GTF3C4: variants seen among roughly 807,000 people sequenced by gnomAD.
The protein encoded by GTF3C4 is general transcription factor IIIC subunit 4.
Under a neutral mutation model 67.5 loss-of-function variants are expected in GTF3C4, and 28 were observed. The observed-to-expected ratio is 0.41, with a 90% CI of 0.31 to 0.57. The LOEUF is 0.57. Ranked by LOEUF, GTF3C4 falls within the 20% of genes least tolerant of loss-of-function variation. The probability of loss-of-function intolerance (pLI) is 0.21; values close to 1 mark genes in which losing one functional copy is unlikely to be tolerated. For synonymous variants in GTF3C4, 409 were observed against 393.0 expected, an observed-to-expected ratio of 1.04 and a Z score of -0.48; for missense variants, 831 against 1,033.2, an observed-to-expected ratio of 0.80 and a Z score of 2.68.
In GTF3C4 at chr9:132,670,666, A is replaced by C; in HGVS notation, c.68A>C (p.Glu23Ala). The C allele has an allele frequency of 2.2e-6, 3 of 1,389,268 alleles. No individual in the cohort carries two copies. Among genetic ancestry groups the C allele is most frequent in the Non-Finnish European group, 2.9e-6 (3 of 1,046,248 alleles). The allele number at this position is 1,389,268 out of a possible 1,614,324, so 86.1% of individuals were successfully genotyped here. The change falls in exon 1 of 5, where the codon GAG becomes GCG. Residue 23 changes from glutamate to alanine, a missense_variant. By Grantham distance (107) the Glu-to-Ala change is moderately radical (BLOSUM62 -1). Transcript: ENST00000372146. ...GGGCCTGCGCCGTCTGGGGAGGAGG[A>C]GGGAGAGGGGGGCGGCGAGGCGGGC... Reference protein sequence around the residue: ...DDGPAPSGEEEGEGGGEAGGK... With the variant: ...DDGPAPSGEEAGEGGGEAGGK...
At chr9:132,685,532 A>G (rs1836013677) in intron 3 of GTF3C4, among the ~76,000 whole-genome samples, 1 of 135,184 alleles carries the variant, frequency 7.4e-6, no homozygotes. Flanking sequence ...TTTTTTTGAG[A>G]TGGGGAGATG....
At chr9:132,686,467 T>C (rs922760783) in intron 3 of GTF3C4, among the ~76,000 whole-genome samples, 12 of 151,890 alleles carry the variant, frequency 7.9e-5, no homozygotes, top group East Asian at 3.9e-4. Flanking sequence ...ACCTCCTCCT[T>C]TGTGTTTTCT....
intron 1 of GTF3C4, 96 bp downstream of exon 1, chr9:132,671,051 G>T: frequency 1.2e-6 from 1 of 837,520 alleles, no homozygotes; most frequent in East Asian, 2.6e-5. Flanking sequence ...ACTCTGTCCG[G>T]GGATTTCCCT....
In GTF3C4 at chr9:132,679,466, A is replaced by G. The variant is rs1169355939; in HGVS notation, c.1847A>G (p.Asn616Ser). Residue 616 changes from asparagine to serine, a missense_variant, in exon 2 of 5, where the codon AAT becomes AGT. Around this residue, in one of 4 missense-constraint regions of GTF3C4, gnomAD observed 75 missense variants for 66.4 expected, o/e 1.13. Transcript: ENST00000372146. This position sits in a 1 kb window ranked among gnomAD's most constrained non-coding sequence, Gnocchi z 5.9. ...CTAGTGGATTCGCCTGGGATGGGCA[A>G]TGCTGACGATGAACAGCAGGAAGAA... ...ILLVDSPGMG[N>S]ADDEQQEEGT... is the part of the protein sequence containing the mutation. 4 of 1,614,048 alleles carry G rather than the reference A, an allele frequency of 2.5e-6. No individual in the cohort carries two copies. The highest frequency in any genetic ancestry group is 1.1e-5 in the South Asian group (1 of 91,092).
rs1470597962 is a variant in GTF3C4 at position 132,678,294 on chromosome 9, A to G, written c.675A>G (p.Lys225=). The stretch of plus-strand genomic sequence containing the variant: ...ATGAGACCAGTTACAGGCTCTCTAA[A>G]AATGAGGCCCCGGAAGGAAATCTCG... The part of the protein sequence containing the change: ...RLYETSYRLS[K]NEAPEGNLGD... Residue 225 remains lysine, a synonymous_variant, in exon 2 of 5, where the codon AAA becomes AAG. Transcript: ENST00000372146. The surrounding 1 kb of genome is among the most constrained non-coding windows in gnomAD (Gnocchi z 6.5). The G allele has an allele frequency of 5.0e-6, 8 of 1,614,090 alleles. No individual in the cohort carries two copies. Among genetic ancestry groups the G allele is most frequent in the Non-Finnish European group, 5.9e-6 (7 of 1,180,050 alleles).
At chr9:132,675,884 T>A (rs1049182947) in intron 1 of GTF3C4, among the ~76,000 whole-genome samples, 1 of 147,574 alleles carries the variant, frequency 6.8e-6, no homozygotes, top group African/African-American at 2.5e-5. Context: ...GAATAGACTA[T>A]TCCAGTTACC....
intron 4 of GTF3C4, 85 bp from the exon 5 acceptor site, chr9:132,688,794 GTC>G: frequency 2.1e-6 from 2 of 942,366 alleles, no homozygotes; most frequent in Non-Finnish European, 3.5e-6. Context: ...CAGAATGCCC[GTC>G]TCTCAACGCT....
rs769713214 is a variant in GTF3C4 at position 132,679,154 on chromosome 9, T to G, written c.1535T>G (p.Phe512Cys). ...HPVNKNYQVQ[F>C]VTLKTFEEAA... ...GTTAACAAAAACTACCAGGTCCAATTTGTTACTCTCAAAACCTTTGAAGAG... is the reference window on the plus strand; with the variant it reads ...GTTAACAAAAACTACCAGGTCCAATGTGTTACTCTCAAAACCTTTGAAGAG... The change falls in exon 2 of 5, where the codon TTT (phenylalanine) becomes TGT (cysteine). Residue 512 changes from phenylalanine to cysteine, a missense_variant. By Grantham distance (205) the Phe-to-Cys change is radical. Coordinates refer to ENST00000372146, the MANE Select transcript of GTF3C4 (RefSeq NM_012204.4). This position sits in a 1 kb window ranked among gnomAD's most constrained non-coding sequence, Gnocchi z 5.9. The G allele has an allele frequency of 1.4e-5, 22 of 1,614,070 alleles. No individual in the cohort carries two copies. The highest frequency in any genetic ancestry group is 2.7e-5 in the African/African-American group (2 of 74,920).
chr9:132,680,256 C>G (rs1219517016), intron 2 of GTF3C4, among the ~76,000 whole-genome samples: 1 of 151,926 alleles, frequency 6.6e-6, no homozygotes, highest in East Asian at 1.9e-4. Flanking sequence ...ATAAAGTAAA[C>G]AAATTATTAC....
upstream of GTF3C4, chr9:132,670,436 C>G (rs1486658720): frequency 1.6e-5 from 16 of 970,470 alleles, no homozygotes; most frequent in Admixed American, 7.7e-5. Context: ...CTGGTAGGGC[C>G]GCGTTGCCTG....
Position 132,693,887 on chromosome 9 carries a change from G to T in GTF3C4, c.*4942G>T, listed in dbSNP as rs1414463154. 1 of 152,118 alleles carries T rather than the reference G, an allele frequency of 6.6e-6. No individual in the cohort carries two copies. The highest frequency in any genetic ancestry group is 1.5e-5 in the Non-Finnish European group (1 of 68,012). 9.4% of individuals were successfully genotyped at this position (152,118 alleles called of 1,614,324 possible). ...GAATATCAAACTTGTTTATAGAAAA[G>T]ACTATATAGAAAAATAAGTCTGTGT... is the stretch of plus-strand genomic sequence containing the variant. On this transcript the variant is annotated 3_prime_UTR_variant, in exon 5 of 5. Coordinates refer to ENST00000372146, the MANE Select transcript of GTF3C4 (RefSeq NM_012204.4).
intron 3 of GTF3C4, among the ~76,000 whole-genome samples, chr9:132,684,730 G>A (rs1202335302): frequency 6.6e-6 from 1 of 152,178 alleles, no homozygotes; most frequent in African/African-American, 2.4e-5. Flanking sequence ...TGCTGTTCCA[G>A]CAGATGTCCA....
intron 1 of GTF3C4, among the ~76,000 whole-genome samples, chr9:132,677,725 A>G (rs1265436622): frequency 1.3e-5 from 2 of 152,262 alleles, no homozygotes; most frequent in African/African-American, 2.4e-5. Context: ...AAAAATCTAA[A>G]TATCAATTTG....
intron 1 of GTF3C4, among the ~76,000 whole-genome samples, chr9:132,671,673 C>T (rs1213434399): frequency 5.3e-5 from 8 of 152,170 alleles, no homozygotes; most frequent in Non-Finnish European, 1.0e-4. Flanking sequence ...GGTGTAAAAA[C>T]TTTCCATATA....
intron 1 of GTF3C4, among the ~76,000 whole-genome samples, chr9:132,674,235 A>G (rs923325513): frequency 4.6e-5 from 7 of 152,354 alleles, no homozygotes; most frequent in South Asian, 4.1e-4. Flanking sequence ...ATAGTGGTCA[A>G]CTGGAAACTG....
intron 1 of GTF3C4, among the ~76,000 whole-genome samples, chr9:132,673,541 T>G (rs1835820550): frequency 6.6e-6 from 1 of 152,118 alleles, no homozygotes; most frequent in Admixed American, 6.6e-5. Flanking sequence ...GGGTTAAAAC[T>G]GGTGTGACGG....
intron 3 of GTF3C4, 30 bp from the exon 4 acceptor site, chr9:132,687,208 TC>T (rs1836043987): frequency 8.2e-7 from 1 of 1,222,876 alleles, no homozygotes; most frequent in African/African-American, 1.5e-5. Flanking sequence ...GCAAACCCTC[TC>T]CCTTGCCAAT....
At chr9:132,670,117 G>A (rs537296508), upstream of GTF3C4, 16 of 1,579,004 alleles carry the variant, frequency 1.0e-5, no homozygotes, top group African/African-American at 1.6e-4. Flanking sequence ...GTAGGGACAA[G>A]ACTACCGCGC....
chr9:132,678,870 T>C lies in GTF3C4; in HGVS notation c.1251T>C (p.His417=), dbSNP rs781635492. The C allele has an allele frequency of 6.2e-7, 1 of 1,614,212 alleles. No homozygotes were observed. Among genetic ancestry groups the C allele is most frequent in the Middle Eastern group, 1.6e-4 (1 of 6,062 alleles). Residue 417 remains histidine, a synonymous_variant, in exon 2 of 5, where the codon CAT becomes CAC. Coordinates refer to ENST00000372146, the MANE Select transcript of GTF3C4 (RefSeq NM_012204.4). The surrounding 1 kb of genome is among the most constrained non-coding windows in gnomAD (Gnocchi z 6.5). The part of the protein sequence containing the change: ...SKAGLNVHNS[H]VTGLHSLPIV... The stretch of plus-strand genomic sequence containing the variant: ...CAGGGCTGAATGTTCACAATTCCCA[T>C]GTCACAGGCCTTCACTCACTGCCAA...
Sources: gnomAD v4.1 joint callset for allele counts (sites outside exome capture counted in the v4.1 genomes callset) on GRCh38, gnomAD v4.1.1 for gene constraint, gnomAD v4.1.1 regional missense constraint, Gnocchi (gnomAD v3.1) non-coding constraint, MANE v1.5 for transcripts, NCBI Gene and HGNC (gene_info 2026-07-23, HGNC 2026-07-21) for gene names.